CSMD1: variants seen among roughly 807,000 people sequenced by gnomAD.
CSMD1 encodes CUB and sushi domain-containing protein 1.
In CSMD1, 213 loss-of-function variants were observed where a neutral mutation model predicts 417.5. That is an observed-to-expected ratio of 0.51 (90% CI 0.46 to 0.57). The LOEUF is 0.57. Among genes scored for constraint, CSMD1 ranks in the 20% least tolerant of loss-of-function variants. The probability of loss-of-function intolerance (pLI) is 0.00; values close to 1 mark genes in which losing one functional copy is unlikely to be tolerated. For missense variants in CSMD1, 6,923 were observed against 4,529.7 expected (o/e 1.53, Z -15.17); for synonymous variants, 2,862 against 1,736.8 (o/e 1.65, Z -16.11).
At chr8:4,757,189 T>A (rs916223449) in intron 1 of CSMD1, among the ~76,000 whole-genome samples, 3 of 152,224 alleles carry the variant, frequency 2.0e-5, no homozygotes, top group African/African-American at 7.2e-5. Context: ...ATTTACTTTA[T>A]CAATATTAGT....
intron 3 of CSMD1, among the ~76,000 whole-genome samples, chr8:4,112,947 G>A (rs549093656): frequency 1.7e-4 from 26 of 152,186 alleles, no homozygotes; most frequent in Middle Eastern, 3.4e-3. Context: ...ATCCTTTTGC[G>A]TTACATTTTG....
chr8:3,333,306 C>T (rs1429332673), intron 23 of CSMD1, among the ~76,000 whole-genome samples: 1 of 152,162 alleles, frequency 6.6e-6, no homozygotes, highest in Non-Finnish European at 1.5e-5. Context: ...GTTTCAGGCC[C>T]CTACACGTGT....
chr8:4,218,912 G>A (rs1179489214), intron 3 of CSMD1, among the ~76,000 whole-genome samples: 1 of 152,000 alleles, frequency 6.6e-6, no homozygotes, highest in Non-Finnish European at 1.5e-5. Context: ...TTCCATTTTG[G>A]ATCTGAACCC....
intron 3 of CSMD1, among the ~76,000 whole-genome samples, chr8:4,357,634 A>G (rs546322891): frequency 3.5e-4 from 53 of 152,174 alleles, no homozygotes; most frequent in Non-Finnish European, 7.1e-4. Context: ...AATAAATACA[A>G]TATCTACAGG....
chr8:4,753,451 G>T (rs1439277865), intron 1 of CSMD1, among the ~76,000 whole-genome samples: 1 of 143,912 alleles, frequency 6.9e-6, no homozygotes, highest in Non-Finnish European at 1.5e-5. Flanking sequence ...ACACACATGC[G>T]CACACACTCC....
Position 4,335,032 on chromosome 8 carries a change from G to T in CSMD1, c.415+84921C>A, listed in dbSNP as rs140696453. Among the ~76,000 whole-genome samples, 225 of 152,140 alleles carry T rather than the reference G, an allele frequency of 1.5e-3. 4 individuals are homozygous for T. The East Asian group carries it at 0.04, about 27-fold the overall frequency. On this transcript the variant is annotated intron_variant, in intron 3 of 69. Transcript: ENST00000635120. ...TGATCTTGTTTTAGCCTCCTTAGTA[G>T]CTGGGACCACAGATGCACACCACCA...
chr8:2,998,672 C>T (rs531257974), intron 53 of CSMD1, among the ~76,000 whole-genome samples: 1 of 152,242 alleles, frequency 6.6e-6, no homozygotes, highest in African/African-American at 2.4e-5. Flanking sequence ...ATGAAATTAG[C>T]AAAATAACTA....
intron 3 of CSMD1, among the ~76,000 whole-genome samples, chr8:4,262,273 GT>G (rs1803940370): frequency 6.6e-6 from 1 of 152,136 alleles, no homozygotes; most frequent in Admixed American, 6.6e-5. Flanking sequence ...CCCTCCCTCT[GT>G]TGAGCTTCTT....
At chr8:3,046,758 G>C (rs62490530) in intron 50 of CSMD1, among the ~76,000 whole-genome samples, 10 of 152,032 alleles carry the variant, frequency 6.6e-5, no homozygotes, top group African/African-American at 2.4e-4. Context: ...AGAGGTTTCT[G>C]TGATGCCCAG....
intron 3 of CSMD1, among the ~76,000 whole-genome samples, chr8:4,116,912 T>C (rs1433740560): frequency 6.6e-6 from 1 of 151,988 alleles, no homozygotes; most frequent in Non-Finnish European, 1.5e-5. Flanking sequence ...AGTGAGGTAC[T>C]CGAAATGTGT....
intron 31 of CSMD1, among the ~76,000 whole-genome samples, chr8:3,204,956 T>C (rs1403722549): frequency 1.3e-5 from 2 of 152,166 alleles, no homozygotes; most frequent in African/African-American, 2.4e-5. Context: ...TGAAGTCATT[T>C]TGGAAAATTA....
At chr8:4,122,128 C>T (rs1013916284) in intron 3 of CSMD1, among the ~76,000 whole-genome samples, 4 of 151,954 alleles carry the variant, frequency 2.6e-5, no homozygotes, top group Non-Finnish European at 5.9e-5. Context: ...ATCAGAGATA[C>T]TTACTACATA....
At chr8:3,702,910 C>G (rs1800949742) in intron 7 of CSMD1, among the ~76,000 whole-genome samples, 1 of 152,166 alleles carries the variant, frequency 6.6e-6, no homozygotes, top group Non-Finnish European at 1.5e-5. Flanking sequence ...AAGAGCAGTT[C>G]ACCATTTCAG....
chr8:4,135,176 G>C (rs1005505535), intron 3 of CSMD1, among the ~76,000 whole-genome samples: 2 of 152,084 alleles, frequency 1.3e-5, no homozygotes, highest in Non-Finnish European at 2.9e-5. Flanking sequence ...ATTTTCATTA[G>C]ACAGGCTTCC....
At chr8:3,291,445 C>T (rs1187143928) in intron 25 of CSMD1, among the ~76,000 whole-genome samples, 1 of 152,128 alleles carries the variant, frequency 6.6e-6, no homozygotes, top group African/African-American at 2.4e-5. Flanking sequence ...GACTGTGAAT[C>T]CATCTGGTCC....
chr8:4,951,243 T>G (rs961856203), intron 1 of CSMD1, among the ~76,000 whole-genome samples: 1 of 152,126 alleles, frequency 6.6e-6, no homozygotes, highest in African/African-American at 2.4e-5. Flanking sequence ...ACTGTCTCTT[T>G]CCTGTGTCAT....
intron 2 of CSMD1, among the ~76,000 whole-genome samples, chr8:4,624,104 C>T (rs1029472613): frequency 6.6e-6 from 1 of 152,110 alleles, no homozygotes; most frequent in African/African-American, 2.4e-5. Flanking sequence ...CCAAGGTAAA[C>T]TGGGCTCTCT....
chr8:4,814,702 C>A lies in CSMD1; in HGVS notation c.86-177144G>T, dbSNP rs547858159. ...ACACAACAGCAAATCCCAGCTCATG[C>A]AGGTGTACCCTGTGACATAGGTTTC... is the stretch of plus-strand genomic sequence containing the variant. On this transcript the variant is annotated intron_variant, in intron 1 of 69. Coordinates refer to ENST00000635120, the MANE Select transcript of CSMD1 (RefSeq NM_033225.6). Among the ~76,000 whole-genome samples the A allele has an allele frequency of 4.9e-4, 74 of 152,248 alleles. No individual in the cohort carries two copies. The South Asian group carries it at 5.6e-3, about 12-fold the overall frequency.
At chr8:3,301,659 C>T (rs530208658) in intron 25 of CSMD1, among the ~76,000 whole-genome samples, 1 of 152,110 alleles carries the variant, frequency 6.6e-6, no homozygotes, top group African/African-American at 2.4e-5. Flanking sequence ...TTTCTTTGTC[C>T]TGAAGTCGAA....
Sources: allele counts gnomAD v4.1 joint callset (sites outside exome capture counted in the v4.1 genomes callset), GRCh38; gene constraint gnomAD v4.1.1; transcripts MANE v1.5; gene names NCBI Gene and HGNC (gene_info 2026-07-23, HGNC 2026-07-21).